The following ASXL2 variants were observed in gnomAD, a reference collection of about 807,000 sequenced individuals.
The protein encoded by ASXL2 is ASXL transcriptional regulator 2, also known as putative Polycomb group protein ASXL2.
Under a neutral mutation model 122.0 loss-of-function variants are expected in ASXL2, and 23 were observed. That is an observed-to-expected ratio of 0.19 (90% CI 0.14 to 0.27). The LOEUF (loss-of-function observed/expected upper bound fraction) is 0.27. ASXL2 is among the 10% of genes least tolerant of loss of function. The pLI is 1.00. For missense variants in ASXL2, 1,518 were observed against 1,713.8 expected, an observed-to-expected ratio of 0.89 and a Z score of 2.02; for synonymous variants, 650 against 637.0, an observed-to-expected ratio of 1.02 and a Z score of -0.31.
chr2:25,837,632 C>T (rs1231732285), intron 2 of ASXL2, among the ~76,000 whole-genome samples: 3 of 150,792 alleles, frequency 2.0e-5, no homozygotes, highest in Non-Finnish European at 4.4e-5. Context: ...TGGGAGGATC[C>T]CTTAAGCCCA....
intron 12 of ASXL2, 93 bp downstream of exon 12, chr2:25,749,603 G>A (rs1181372888): frequency 2.0e-6 from 2 of 996,984 alleles, no homozygotes; most frequent in East Asian, 2.7e-5. Context: ...TCTGCATTAA[G>A]AACTACCACA....
chr2:25,768,632 G>A lies in ASXL2; in HGVS notation c.631+110C>T, dbSNP rs999624200. 12 of 1,209,634 alleles carry A rather than the reference G, an allele frequency of 9.9e-6. No individual in the cohort carries two copies. The African/African-American group carries it at 1.7e-4, about 17-fold the overall frequency. 74.9% of individuals were successfully genotyped at this position (1,209,634 alleles called of 1,614,324 possible). A position where few individuals can be genotyped will look rare whatever the true frequency, so the allele number is the denominator to read the frequency against. On this transcript the variant is annotated intron_variant, in intron 7 of 12. Transcript: ENST00000435504. ...GATGTTTTGGCAGTACAAGGATTGTGTAAGTAAATATAATTTAAAAATAAA... is the reference window on the plus strand; with the variant it reads ...GATGTTTTGGCAGTACAAGGATTGTATAAGTAAATATAATTTAAAAATAAA...
intron 5 of ASXL2, among the ~76,000 whole-genome samples, chr2:25,789,162 T>G (rs771616312): frequency 6.6e-6 from 1 of 152,070 alleles, no homozygotes. Flanking sequence ...TTAAAAAATA[T>G]ATTACTGCAT....
At chr2:25,762,837 C>T (rs962996607) in intron 8 of ASXL2, among the ~76,000 whole-genome samples, 7 of 151,942 alleles carry the variant, frequency 4.6e-5, no homozygotes, top group Non-Finnish European at 4.4e-5. Context: ...AAAGAAATTT[C>T]AGCTAGTTAT....
At chr2:25,809,891 G>A (rs2149176176) in intron 3 of ASXL2, 1 of 504,620 alleles carries the variant, frequency 2.0e-6, no homozygotes, top group South Asian at 1.5e-5. Flanking sequence ...CAGGGTCAGA[G>A]GGAGGAGCAG....
At chr2:25,848,710 T>C (rs1559527860) in intron 1 of ASXL2, among the ~76,000 whole-genome samples, 1 of 151,952 alleles carries the variant, frequency 6.6e-6, no homozygotes. Context: ...ATTTCCAAGA[T>C]GTTCTGTACT....
In ASXL2 at chr2:25,743,447, T is replaced by C. The variant is rs1179601924; in HGVS notation, c.2890A>G (p.Met964Val). 6.2e-7 allele frequency: 1 copy of C among 1,613,842 alleles called. No individual in the cohort carries two copies. Among genetic ancestry groups the C allele is most frequent in the Non-Finnish European group, 8.5e-7 (1 of 1,179,896 alleles). ...TQLLQGKDVP[M>V]EQILPKPLTK... ...AGAGGTTTAGGCAGAATTTGCTCCA[T>C]GGGAACATCTTTGCCTTGAAGCAGC... is the stretch of plus-strand genomic sequence containing the variant. The change falls in exon 13 of 13, where the codon ATG becomes GTG. Residue 964 changes from methionine to valine, a missense_variant. Met to Val is a conservative substitution (Grantham distance 21). Coordinates refer to ENST00000435504, the MANE Select transcript of ASXL2 (RefSeq NM_018263.6).
intron 1 of ASXL2, among the ~76,000 whole-genome samples, chr2:25,871,480 C>A (rs2149204212): frequency 6.9e-6 from 1 of 144,072 alleles, no homozygotes; most frequent in South Asian, 2.2e-4. Flanking sequence ...TTTAAGTGTT[C>A]AAAAAAAAAT....
rs1296442192 is a variant in ASXL2, at chr2:25,740,680, T to C, written c.*1349A>G. 1.3e-5 allele frequency: 3 copies of C among 222,942 alleles called. No homozygotes were observed. In the East Asian group the frequency reaches 2.0e-4, roughly 15 times the overall value. 13.8% of individuals were successfully genotyped at this position (222,942 alleles called of 1,614,324 possible). A position where few individuals can be genotyped will look rare whatever the true frequency, so the allele number is the denominator to read the frequency against. On this transcript the variant is annotated 3_prime_UTR_variant, in exon 13 of 13. Coordinates refer to ENST00000435504, the MANE Select transcript of ASXL2 (RefSeq NM_018263.6). ...AACAAAAACAAGCAACCAAAAAACCTTTAGGGCTCATTTTCCTTCCTTTCC... is the reference window on the plus strand; with the variant it reads ...AACAAAAACAAGCAACCAAAAAACCCTTAGGGCTCATTTTCCTTCCTTTCC...
intron 1 of ASXL2, among the ~76,000 whole-genome samples, chr2:25,870,501 G>A (rs939835511): frequency 6.6e-6 from 1 of 152,104 alleles, no homozygotes; most frequent in East Asian, 1.9e-4. Context: ...TCTGTCGCCA[G>A]GCTCCGTTTA....
intron 2 of ASXL2, 95 bp from the exon 3 acceptor site, chr2:25,835,635 T>C (rs533431180): frequency 4.4e-6 from 1 of 225,212 alleles, no homozygotes; most frequent in East Asian, 1.2e-4. Flanking sequence ...AATTAAACTG[T>C]CCCTTCCCAT....
intron 3 of ASXL2, chr2:25,810,411 T>A (rs888404654): frequency 4.4e-6 from 3 of 688,258 alleles, no homozygotes; most frequent in African/African-American, 3.5e-5. Flanking sequence ...GATCAGTAGC[T>A]TTTTCCGCTT....
At chr2:25,825,336 T>C (rs2089363638) in intron 3 of ASXL2, among the ~76,000 whole-genome samples, 1 of 152,194 alleles carries the variant, frequency 6.6e-6, no homozygotes, top group African/African-American at 2.4e-5. Flanking sequence ...ACATAAAATT[T>C]ACCATCTTAC....
intron 11 of ASXL2, among the ~76,000 whole-genome samples, chr2:25,750,905 A>G (rs962143518): frequency 6.6e-6 from 1 of 152,112 alleles, no homozygotes; most frequent in African/African-American, 2.4e-5. Context: ...ATCTGTGCAA[A>G]CCCAGGCCCA....
rs185443605 is a variant in ASXL2 at position 25,772,946 on chromosome 2, C to T, written c.404-1406G>A. Reference sequence around the variant, plus strand: ...TGACTTGGCCGGGCGTGGTGGCTAACGCCTGTAATCCCAGTACTTTGGGAG... The same window carrying T: ...TGACTTGGCCGGGCGTGGTGGCTAATGCCTGTAATCCCAGTACTTTGGGAG... On this transcript the variant is annotated intron_variant, in intron 5 of 12. Transcript: ENST00000435504. Among the ~76,000 whole-genome samples the T allele has an allele frequency of 3.0e-3, 448 of 151,862 alleles. 1 individual carries two copies. Among genetic ancestry groups the T allele is most frequent in the Non-Finnish European group, 5.1e-3 (344 of 67,942 alleles).
Position 25,845,544 on chromosome 2 carries a change from T to C in ASXL2, c.77A>G (p.Asn26Ser), listed in dbSNP as rs2089639371. The C allele has an allele frequency of 1.4e-6, 2 of 1,444,816 alleles. No individual in the cohort carries two copies. Among genetic ancestry groups the C allele is most frequent in the Non-Finnish European group, 9.2e-7 (1 of 1,090,070 alleles). The allele number at this position is 1,444,816 out of a possible 1,614,324, so 89.5% of individuals were successfully genotyped here. The change falls in exon 2 of 13, where the codon AAT becomes AGT. Residue 26 changes from asparagine (N) to serine (S), a missense_variant. Physicochemically the swap from Asn to Ser is conservative, Grantham distance 46. Around this residue, in one of 8 missense-constraint regions of ASXL2, gnomAD observed 28 missense variants for 42.2 expected, o/e 0.66. Transcript: ENST00000435504. ...AATTTCTTTATGACTCATGGGTGTATTGGGGTATTTTTCTAAGACCTGAAA... is the reference window on the plus strand; with the variant it reads ...AATTTCTTTATGACTCATGGGTGTACTGGGGTATTTTTCTAAGACCTGAAA... ...AAKTVLEKYP[N>S]TPMSHKEILQ...
chr2:25,734,851 A>G lies in ASXL2; in HGVS notation c.*7178T>C, dbSNP rs2087709920. The stretch of plus-strand genomic sequence containing the variant: ...CAGGTTACATTCATGGCAATTCAAC[A>G]TTACATTAAGTGAATCTAAAATCTT... On this transcript the variant is annotated 3_prime_UTR_variant, in exon 13 of 13. Transcript: ENST00000435504. The G allele has an allele frequency of 6.6e-6, 1 of 152,232 alleles. No homozygotes were observed. Among genetic ancestry groups the G allele is most frequent in the Non-Finnish European group, 1.5e-5 (1 of 68,044 alleles). The allele number at this position is 152,232 out of a possible 1,614,324, so 9.4% of individuals were successfully genotyped here.
At chr2:25,875,902 G>A (rs2090006201) in intron 1 of ASXL2, among the ~76,000 whole-genome samples, 1 of 151,934 alleles carries the variant, frequency 6.6e-6, no homozygotes, top group African/African-American at 2.4e-5. Context: ...CTAATTTTCT[G>A]ATTTCATTAT....
Position 25,744,493 on chromosome 2 carries a change from G to A in ASXL2, c.1861-17C>T, listed in dbSNP as rs1261048096. 4 of 1,565,648 alleles carry A rather than the reference G, an allele frequency of 2.6e-6. No homozygotes were observed. The highest frequency in any genetic ancestry group is 1.2e-5 in the South Asian group (1 of 85,368). On this transcript the variant is annotated splice_polypyrimidine_tract_variant and intron_variant, in intron 12 of 12. Transcript: ENST00000435504. This position sits in a 1 kb window ranked among gnomAD's most constrained non-coding sequence, Gnocchi z 4.7. ...GACCGGGATCTGAAAGAAGTAGAGG[G>A]GAAAAAAACAACAGAGCTTAGTTTT... is the stretch of plus-strand genomic sequence containing the variant.
Sources: allele counts gnomAD v4.1 joint callset (sites outside exome capture counted in the v4.1 genomes callset), GRCh38; gene constraint gnomAD v4.1.1; regional missense constraint gnomAD v4.1.1; non-coding constraint Gnocchi (gnomAD v3.1); transcripts MANE v1.5; gene names NCBI Gene and HGNC (gene_info 2026-07-23, HGNC 2026-07-21).